The following SEMA6D variants were observed in gnomAD, a reference collection of about 807,000 sequenced individuals.
SEMA6D encodes semaphorin-6D.
In SEMA6D, 35 loss-of-function variants were observed where a neutral mutation model predicts 106.6. That is an observed-to-expected ratio of 0.33 (90% CI 0.25 to 0.44). The LOEUF (loss-of-function observed/expected upper bound fraction) is 0.44. SEMA6D is among the 20% of genes least tolerant of loss of function. The pLI, the probability that SEMA6D is intolerant of heterozygous loss-of-function variation, is 1.00. For synonymous variants in SEMA6D, 499 were observed against 487.7 expected (o/e 1.02, Z -0.31); for missense variants, 1,185 against 1,345.9 (o/e 0.88, Z 1.87).
At chr15:47,191,187 A>ATC (rs1893938721) in intron 1 of SEMA6D, among the ~76,000 whole-genome samples, 1 of 151,620 alleles carries the variant, frequency 6.6e-6, no homozygotes, top group Admixed American at 6.6e-5. Context: ...ACATATATAT[A>ATC]TATATATATA....
At chr15:47,481,084 T>C (rs766848467) in intron 3 of SEMA6D, among the ~76,000 whole-genome samples, 10 of 152,114 alleles carry the variant, frequency 6.6e-5, no homozygotes, top group Non-Finnish European at 1.3e-4. Flanking sequence ...ATTCCCCGAG[T>C]CTTGAATGAT....
At chr15:47,550,179 A>G (rs1156463861) in intron 3 of SEMA6D, among the ~76,000 whole-genome samples, 1 of 152,180 alleles carries the variant, frequency 6.6e-6, no homozygotes, top group East Asian at 1.9e-4. Flanking sequence ...AATGAATTTT[A>G]GAATTAGGGT....
intron 3 of SEMA6D, among the ~76,000 whole-genome samples, chr15:47,496,760 A>G (rs948836614): frequency 6.6e-6 from 1 of 151,982 alleles, no homozygotes; most frequent in Non-Finnish European, 1.5e-5. Flanking sequence ...AATTTGCAAC[A>G]TTCTAGTGAT....
chr15:47,765,169 T>C (rs763105032), intron 13 of SEMA6D, 113 bp downstream of exon 13: 129 of 1,465,576 alleles, frequency 8.8e-5, no homozygotes, highest in Admixed American at 1.5e-4. Flanking sequence ...GGCATAATAG[T>C]GTTTTGTGTT....
intron 1 of SEMA6D, among the ~76,000 whole-genome samples, chr15:47,400,708 A>G (rs1283329846): frequency 6.6e-6 from 1 of 152,172 alleles, no homozygotes; most frequent in Non-Finnish European, 1.5e-5. Context: ...TTCGAAGGAT[A>G]CTCAGTGTAT....
intron 3 of SEMA6D, among the ~76,000 whole-genome samples, chr15:47,503,989 A>G (rs762645983): frequency 6.6e-6 from 1 of 152,122 alleles, no homozygotes; most frequent in Non-Finnish European, 1.5e-5. Flanking sequence ...CCTCCTGGTA[A>G]AGGAGACAGA....
At chr15:47,717,879 T>TGTGTGTG (rs1567014497) in intron 1 of SEMA6D, among the ~76,000 whole-genome samples, 187 bp downstream of exon 1, 2 of 132,038 alleles carry the variant, frequency 1.5e-5, no homozygotes, top group Admixed American at 1.6e-4. Flanking sequence ...TGTGTGTGTG[T>TGTGTGTG]TGCCACTGGA....
Position 47,307,958 on chromosome 15 carries a change from T to G in SEMA6D, c.-238-104435T>G, listed in dbSNP as rs897228. On this transcript the variant is annotated intron_variant, in intron 1 of 19. Coordinates refer to the SEMA6D transcript ENST00000558014. ...TTGTTTACCAATTTAATCAAGAATC[T>G]TATGATGCACAGAGAAATTCTGGTG... Among the ~76,000 whole-genome samples the G allele has an allele frequency of 0.058, 8,814 of 152,208 alleles. 1,224 individuals carry two copies. In the East Asian group the frequency reaches 0.6, roughly 10 times the overall value.
chr15:47,436,768 A>AAAAAAATATAT (rs1302309417), intron 2 of SEMA6D, among the ~76,000 whole-genome samples: 2 of 125,402 alleles, frequency 1.6e-5, no homozygotes, highest in African/African-American at 6.1e-5. Flanking sequence ...TAAAAAAAAA[A>AAAAAAATATAT]ATATATATAT....
At chr15:47,750,449 C>T (rs369862447) in intron 1 of SEMA6D, among the ~76,000 whole-genome samples, 72 of 152,144 alleles carry the variant, frequency 4.7e-4, no homozygotes, top group African/African-American at 1.7e-3. Context: ...AGTCTGTGAC[C>T]CCAGATCTCC....
chr15:47,614,551 T>C (rs2076971588), intron 4 of SEMA6D, among the ~76,000 whole-genome samples: 1 of 152,210 alleles, frequency 6.6e-6, no homozygotes, highest in Admixed American at 6.5e-5. Flanking sequence ...TGAGACCTTA[T>C]GCAGTCAGCC....
At chr15:47,705,525 G>A (rs1404098044) in intron 4 of SEMA6D, among the ~76,000 whole-genome samples, 1 of 152,134 alleles carries the variant, frequency 6.6e-6, no homozygotes, top group East Asian at 1.9e-4. Flanking sequence ...TTGAATAAAT[G>A]TAATACATGA....
chr15:47,256,751 C>T (rs929438233), intron 1 of SEMA6D, among the ~76,000 whole-genome samples: 3 of 152,022 alleles, frequency 2.0e-5, no homozygotes, highest in Admixed American at 2.0e-4. Context: ...CCCAGCTACT[C>T]AGGAGGCTGA....
rs1214149774 is a variant in SEMA6D, at chr15:47,764,899, A to G, written c.1270A>G (p.Ile424Val). The G allele has an allele frequency of 6.2e-7, 1 of 1,613,838 alleles. No individual in the cohort carries two copies. The highest frequency in any genetic ancestry group is 1.7e-5 in the Admixed American group (1 of 60,012). Reference sequence around the variant, plus strand: ...CTCTTGTAGGTACAGACTGACGGCCATCTCAGTGGACCATTCAGCCGGACC... The same window carrying G: ...CTCTTGTAGGTACAGACTGACGGCCGTCTCAGTGGACCATTCAGCCGGACC... ...KTRVRYRLTA[I>V]SVDHSAGPYQ... Residue 424 changes from isoleucine (I) to valine (V), a missense_variant, in exon 13 of 19, where the codon ATC becomes GTC. Ile to Val is a conservative substitution (Grantham distance 29). This residue lies in a region of SEMA6D where 291 missense variants were observed against 423.8 expected (regional missense o/e 0.69). Coordinates refer to ENST00000536845, the MANE Select transcript of SEMA6D (RefSeq NM_001358351.3).
At chr15:47,236,818 A>T (rs2141674465) in intron 1 of SEMA6D, among the ~76,000 whole-genome samples, 1 of 152,322 alleles carries the variant, frequency 6.6e-6, no homozygotes, top group African/African-American at 2.4e-5. Flanking sequence ...ATTATGAAGC[A>T]ACTTGGGCAA....
intron 3 of SEMA6D, among the ~76,000 whole-genome samples, chr15:47,560,732 C>T (rs1202269081): frequency 3.9e-5 from 6 of 151,984 alleles, no homozygotes; most frequent in African/African-American, 1.2e-4. Context: ...TGAGTCTTTG[C>T]AAATGATCAA....
At chr15:47,659,581 TGAC>T (rs1420460235) in intron 4 of SEMA6D, among the ~76,000 whole-genome samples, 2 of 151,972 alleles carry the variant, frequency 1.3e-5, no homozygotes, top group African/African-American at 4.8e-5. Context: ...AACAAGAAAA[TGAC>T]GACTAATAAA....
chr15:47,374,984 T>C (rs2039400457), intron 1 of SEMA6D, among the ~76,000 whole-genome samples: 1 of 152,214 alleles, frequency 6.6e-6, no homozygotes, highest in African/African-American at 2.4e-5. Context: ...ACTCTTTTTC[T>C]TGTTTCCCAC....
intron 1 of SEMA6D, among the ~76,000 whole-genome samples, chr15:47,728,044 AT>A (rs2079876774): frequency 6.6e-6 from 1 of 152,152 alleles, no homozygotes; most frequent in Non-Finnish European, 1.5e-5. Flanking sequence ...TGGCTTTATC[AT>A]TTTTGTTTCA....
Sources: gnomAD v4.1 joint callset for allele counts (sites outside exome capture counted in the v4.1 genomes callset) on GRCh38, gnomAD v4.1.1 for gene constraint, gnomAD v4.1.1 regional missense constraint, MANE v1.5 for transcripts, NCBI Gene and HGNC (gene_info 2026-07-23, HGNC 2026-07-21) for gene names.